Variants in TXNL4A observed in about 807,000 individuals in gnomAD.
The protein encoded by TXNL4A is thioredoxin like 4A.
A neutral mutation model predicts 14.6 loss-of-function variants in TXNL4A; 17 were observed. The observed-to-expected ratio is 1.16, with a 90% CI of 0.80 to 1.74. The LOEUF is 1.74. Ranked by LOEUF, TXNL4A falls within the 40% of genes most tolerant of loss-of-function variation. The probability of loss-of-function intolerance (pLI) is 0.00; values close to 1 mark genes in which losing one functional copy is unlikely to be tolerated. For synonymous variants in TXNL4A, 83 were observed against 70.6 expected (o/e 1.18, Z -0.88); for missense variants, 74 against 195.2 (o/e 0.38, Z 3.70).
At chr18:79,975,534 G>T (rs1281078044) in intron 2 of TXNL4A, among the ~76,000 whole-genome samples, 1 of 152,178 alleles carries the variant, frequency 6.6e-6, no homozygotes, top group Non-Finnish European at 1.5e-5. Context: ...TGCACGCTGT[G>T]GGGGGCAGAG....
chr18:79,994,108 C>G (rs1022938343), intron 1 of TXNL4A, among the ~76,000 whole-genome samples: 1 of 152,178 alleles, frequency 6.6e-6, no homozygotes, highest in Admixed American at 6.5e-5. Flanking sequence ...CATAAAGTTC[C>G]ACCTTTAGAA....
At chr18:80,001,409 G>A (rs2051697634) in intron 1 of TXNL4A, among the ~76,000 whole-genome samples, 1 of 152,130 alleles carries the variant, frequency 6.6e-6, no homozygotes, top group Non-Finnish European at 1.5e-5. Context: ...TCCTCACTAG[G>A]GCACTGCCTA....
intron 1 of TXNL4A, among the ~76,000 whole-genome samples, chr18:80,001,110 C>T (rs1039811457): frequency 1.2e-4 from 18 of 152,212 alleles, no homozygotes; most frequent in African/African-American, 3.6e-4. Flanking sequence ...GGACTTGGTG[C>T]CCTGTGTCCC....
chr18:79,984,958 T>C (rs1358144986), intron 1 of TXNL4A, among the ~76,000 whole-genome samples: 1 of 152,096 alleles, frequency 6.6e-6, no homozygotes, highest in Non-Finnish European at 1.5e-5. Context: ...AGAGCGTTCC[T>C]ACAAAATAGA....
At chr18:79,986,079 G>A (rs1336957310) in intron 1 of TXNL4A, among the ~76,000 whole-genome samples, 1 of 149,732 alleles carries the variant, frequency 6.7e-6, no homozygotes, top group Non-Finnish European at 1.5e-5. Flanking sequence ...CACTCCTGTT[G>A]CCCAGGCTGG....
chr18:79,973,505 A>G lies in TXNL4A; in HGVS notation c.*180T>C, dbSNP rs1254334408. On this transcript the variant is annotated 3_prime_UTR_variant, in exon 3 of 3. Transcript: ENST00000269601. ...TTAAGTTTCCTGAGAACAAACAAGT[A>G]GGCCTGCTCCTCTCACCACGTGCTT... The G allele has an allele frequency of 1.6e-6, 1 of 613,442 alleles. No homozygotes were observed. 38.0% of individuals were successfully genotyped at this position (613,442 alleles called of 1,614,324 possible).
At chr18:79,986,527 A>C (rs2051551195) in intron 1 of TXNL4A, 1 of 967,870 alleles carries the variant, frequency 1.0e-6, no homozygotes, top group Admixed American at 6.2e-5. Context: ...ACAGTGATTC[A>C]TTCTGTAATA....
intron 1 of TXNL4A, among the ~76,000 whole-genome samples, chr18:80,002,366 T>G (rs2051703692): frequency 6.6e-6 from 1 of 151,968 alleles, no homozygotes; most frequent in South Asian, 2.1e-4. Flanking sequence ...CCTCCTAGGG[T>G]GATGGGAAAG....
intron 1 of TXNL4A, chr18:79,978,018 A>C: frequency 3.4e-6 from 1 of 292,500 alleles, no homozygotes; most frequent in Admixed American, 4.8e-5. Flanking sequence ...CCAGTGCAGC[A>C]AACACGCGGG....
intron 1 of TXNL4A, among the ~76,000 whole-genome samples, chr18:79,983,691 G>A (rs1328940927): frequency 6.6e-6 from 1 of 152,214 alleles, no homozygotes; most frequent in Admixed American, 6.5e-5. Flanking sequence ...TAAAATTAAT[G>A]TTTGCCTTAA....
Position 79,985,371 on chromosome 18 carries a change from G to A in TXNL4A, c.153+2869C>T, listed in dbSNP as rs879419910. Among the ~76,000 whole-genome samples the A allele has an allele frequency of 3.9e-5, 6 of 151,992 alleles. 1 individual carries two copies. Among genetic ancestry groups the A allele is most frequent in the Non-Finnish European group, 8.8e-5 (6 of 67,996 alleles). On this transcript the variant is annotated intron_variant, in intron 1 of 2. Coordinates refer to ENST00000269601, the MANE Select transcript of TXNL4A (RefSeq NM_006701.5). ...CCTGGACTCATATCCTCCCACCTCG[G>A]CCTACCAAGTAGTTGGGACCACAGG...
chr18:79,987,355 C>G (rs369143213), intron 1 of TXNL4A, among the ~76,000 whole-genome samples: 35 of 152,290 alleles, frequency 2.3e-4, no homozygotes, highest in African/African-American at 6.3e-4. Context: ...ACTCTTTACT[C>G]AAAGGAGTTA....
intron 2 of TXNL4A, among the ~76,000 whole-genome samples, chr18:79,976,111 C>T (rs12455687): frequency 0.35 from 53,323 of 152,048 alleles, 9,884 homozygotes; most frequent in South Asian, 0.5. Context: ...CGTATCCCGA[C>T]GCCCAGAACC....
intron 1 of TXNL4A, among the ~76,000 whole-genome samples, chr18:80,032,048 C>G (rs759017613): frequency 9.2e-5 from 14 of 152,234 alleles, no homozygotes; most frequent in Admixed American, 2.6e-4. Context: ...ATTCAGGAGG[C>G]AGTAATGTAG....
chr18:80,018,403 C>T (rs187577515), intron 1 of TXNL4A, among the ~76,000 whole-genome samples: 79 of 152,146 alleles, frequency 5.2e-4, no homozygotes, highest in African/African-American at 7.7e-4. Flanking sequence ...AAAATTGACA[C>T]GCTAACATCG....
At chr18:80,020,415 G>T (rs2051840893) in intron 1 of TXNL4A, among the ~76,000 whole-genome samples, 1 of 152,160 alleles carries the variant, frequency 6.6e-6, no homozygotes, top group African/African-American at 2.4e-5. Flanking sequence ...ACATTATGGG[G>T]TGTGTAAACA....
chr18:79,992,876 TA>T (rs59567705), upstream of TXNL4A, among the ~76,000 whole-genome samples: 341 of 78,596 alleles, frequency 4.3e-3, 1 homozygote, highest in African/African-American at 0.013. Context: ...TCATCTTATG[TA>T]AAAAAAAAAA....
upstream of TXNL4A, among the ~76,000 whole-genome samples, chr18:79,990,544 C>G (rs1322261294): frequency 6.6e-6 from 1 of 152,182 alleles, no homozygotes; most frequent in Non-Finnish European, 1.5e-5. Context: ...CAGGCTATTG[C>G]CTTCTAAAAA....
chr18:79,983,253 G>A (rs933930469), intron 1 of TXNL4A, among the ~76,000 whole-genome samples: 2 of 152,120 alleles, frequency 1.3e-5, no homozygotes, highest in Non-Finnish European at 1.5e-5. Context: ...CGCCTGCCTC[G>A]GCTTCCCAAA....
Sources: gnomAD v4.1 joint callset for allele counts (sites outside exome capture counted in the v4.1 genomes callset) on GRCh38, gnomAD v4.1.1 for gene constraint, MANE v1.5 for transcripts, NCBI Gene and HGNC (gene_info 2026-07-23, HGNC 2026-07-21) for gene names.